The following MBTPS1 variants were observed in gnomAD, a reference collection of about 807,000 sequenced individuals.
MBTPS1 encodes the protein membrane-bound transcription factor site-1 protease.
MBTPS1 carries 94 observed loss-of-function variants against 127.8 expected under a neutral mutation model. The observed-to-expected ratio is 0.74, with a 90% CI of 0.62 to 0.87. The LOEUF is 0.87. MBTPS1 is among the 40% of genes least tolerant of loss of function. The probability of loss-of-function intolerance (pLI) is 0.00; values close to 1 mark genes in which losing one functional copy is unlikely to be tolerated. For missense variants in MBTPS1, 1,636 were observed against 1,353.2 expected, an observed-to-expected ratio of 1.21 and a Z score of -3.28; for synonymous variants, 632 against 509.4, an observed-to-expected ratio of 1.24 and a Z score of -3.24.
intron 7 of MBTPS1, 99 bp downstream of exon 7, chr16:84,091,633 C>G: frequency 3.8e-6 from 3 of 789,344 alleles, no homozygotes; most frequent in Non-Finnish European, 6.7e-6. Flanking sequence ...CTGTCACCAC[C>G]TGGATGAAAA....
At chr16:84,084,314 G>C (rs1010779802) in intron 10 of MBTPS1, among the ~76,000 whole-genome samples, 16 of 152,174 alleles carry the variant, frequency 1.1e-4, no homozygotes, top group African/African-American at 3.1e-4. Flanking sequence ...CAGTCACTAA[G>C]CTCCATTCCA....
chr16:84,083,458 C>CT (rs776867410), intron 10 of MBTPS1, among the ~76,000 whole-genome samples: 151 of 146,998 alleles, frequency 1.0e-3, no homozygotes, highest in East Asian at 2.8e-3. Context: ...ATATCTACCC[C>CT]TTTTTTTTTT....
intron 21 of MBTPS1, chr16:84,058,118 C>G (rs1005738862): frequency 6.6e-6 from 1 of 152,156 alleles, no homozygotes; most frequent in African/African-American, 2.4e-5. Context: ...TGGAAAAGTA[C>G]CCAGTGATTA....
rs559941206 is a variant in MBTPS1 at position 84,064,838 on chromosome 16, TATAAAA to T, written c.2431+846_2431+851del. 3.5e-4 allele frequency among the ~76,000 whole-genome samples: 53 copies of T among 152,324 alleles called. 1 individual carries two copies. In the East Asian group the frequency reaches 8.5e-3, roughly 24 times the overall value. On this transcript the variant is annotated intron_variant, in intron 18 of 22. Coordinates refer to ENST00000343411, the MANE Select transcript of MBTPS1 (RefSeq NM_003791.4). ...AAAGGAAAAAATCCCTTCCAGGTAATATAAAAATAAGTTCTATATTCCAGTTGCAAG... is the reference window on the plus strand; with the variant it reads ...AAAGGAAAAAATCCCTTCCAGGTAATATAAGTTCTATATTCCAGTTGCAAG...
At chr16:84,104,124 G>C (rs1199143360) in intron 1 of MBTPS1, among the ~76,000 whole-genome samples, 1 of 152,118 alleles carries the variant, frequency 6.6e-6, no homozygotes, top group Non-Finnish European at 1.5e-5. Context: ...AAAGACTACT[G>C]GCCGAAGAAG....
At chr16:84,088,806 G>T (rs547634235) in intron 8 of MBTPS1, among the ~76,000 whole-genome samples, 9 of 152,146 alleles carry the variant, frequency 5.9e-5, no homozygotes, top group Non-Finnish European at 1.3e-4. Context: ...CCCACCAGAT[G>T]CCCAAGCAGA....
intron 12 of MBTPS1, among the ~76,000 whole-genome samples, chr16:84,072,333 T>G (rs538708532): frequency 1.4e-4 from 21 of 152,060 alleles, no homozygotes; most frequent in African/African-American, 4.6e-4. Flanking sequence ...GAGTGGCTGA[T>G]AATGGGTATA....
chr16:84,095,522 C>A (rs1351072598), intron 4 of MBTPS1, 80 bp downstream of exon 4: 1 of 1,486,054 alleles, frequency 6.7e-7, no homozygotes, highest in South Asian at 1.2e-5. Context: ...TCCTGCATGT[C>A]TGGACTTTCC....
At chr16:84,084,453 GAGA>G (rs1317464537) in intron 10 of MBTPS1, among the ~76,000 whole-genome samples, 1 of 152,208 alleles carries the variant, frequency 6.6e-6, no homozygotes, top group Non-Finnish European at 1.5e-5. Context: ...GTAACACTGT[GAGA>G]AGATGGATGT....
At chr16:84,113,000 A>G (rs1374881119) in intron 1 of MBTPS1, among the ~76,000 whole-genome samples, 1 of 151,758 alleles carries the variant, frequency 6.6e-6, no homozygotes, top group Non-Finnish European at 1.5e-5. Flanking sequence ...AAAAAGAATA[A>G]ATCATACTTT....
rs1257449563 is a variant in MBTPS1 at position 84,081,654 on chromosome 16, T to G, written c.1448+93A>C. 7 of 1,029,978 alleles carry G rather than the reference T, an allele frequency of 6.8e-6. No homozygotes were observed. The East Asian group carries it at 2.0e-4, about 30-fold the overall frequency. 63.8% of individuals were successfully genotyped at this position (1,029,978 alleles called of 1,614,324 possible). Reference sequence around the variant, plus strand: ...GAGAATTCTGTGCTTAGTCATCATTTTCTGTTTTGAGGCTTGTATTTTGTG... The same window carrying G: ...GAGAATTCTGTGCTTAGTCATCATTGTCTGTTTTGAGGCTTGTATTTTGTG... On this transcript the variant is annotated intron_variant, in intron 11 of 22. Transcript: ENST00000343411.
At chr16:84,076,123 T>C (rs754367039) in intron 11 of MBTPS1, among the ~76,000 whole-genome samples, 10 of 152,168 alleles carry the variant, frequency 6.6e-5, no homozygotes, top group African/African-American at 9.7e-5. Context: ...TGGTTCAATA[T>C]TGGGAAACTC....
chr16:84,068,425 CT>C lies in MBTPS1; in HGVS notation c.1984del (p.Arg662GlyfsTer7). The stretch of plus-strand genomic sequence containing the variant: ...GCTTCTCAGATGCTGGTACATATCC[CT>C]GAAATTGGTGTGGATGTGATCACCA... Reference protein sequence around the residue: ...WNGDHIHTNFRDMYQHLRSMG... With the variant: ...WNGDHIHTNFXDMYQHLRSMG... On this transcript the variant is annotated frameshift_variant, in exon 15 of 23. Coordinates refer to ENST00000343411, the MANE Select transcript of MBTPS1 (RefSeq NM_003791.4). LOFTEE classifies it high-confidence loss of function. 1 of 1,614,120 alleles carries C rather than the reference CT, an allele frequency of 6.2e-7. No individual in the cohort carries two copies. The highest frequency in any genetic ancestry group is 8.5e-7 in the Non-Finnish European group (1 of 1,179,928).
chr16:84,115,282 G>C (rs1227218391), intron 1 of MBTPS1, among the ~76,000 whole-genome samples: 1 of 152,102 alleles, frequency 6.6e-6, no homozygotes, highest in Admixed American at 6.5e-5. Context: ...TTCTTCCCTA[G>C]GTGCTTCAAA....
chr16:84,068,355 A>G lies in MBTPS1; in HGVS notation c.2055T>C (p.Phe685=). The change falls in exon 15 of 23, where the codon TTT becomes TTC. Residue 685 remains phenylalanine (F), a synonymous_variant. Transcript: ENST00000343411. ...VEVLGAPFTC[F]DASQYGTLLM... ...GCCACTTACCATACTGACTGGCATC[A>G]AAACACGTGAAGGGGGCCCCGAGGA... 1 of 1,613,004 alleles carries G rather than the reference A, an allele frequency of 6.2e-7. No individual in the cohort carries two copies.
chr16:84,094,478 A>G (rs2086152590), intron 4 of MBTPS1, among the ~76,000 whole-genome samples: 1 of 152,230 alleles, frequency 6.6e-6, no homozygotes, highest in South Asian at 2.1e-4. Flanking sequence ...AATGTGAAAT[A>G]CAACTGGCCT....
intron 8 of MBTPS1, among the ~76,000 whole-genome samples, chr16:84,089,756 GA>G (rs752545973): frequency 6.6e-6 from 1 of 152,226 alleles, no homozygotes; most frequent in Non-Finnish European, 1.5e-5. Flanking sequence ...CATGCTGGAA[GA>G]GCTGGGGTGG....
In MBTPS1 at chr16:84,066,473, G is replaced by T. The variant is rs1354485735; in HGVS notation, c.2353+16C>A. ...TCTCACACCTAAGACCACGCCCTCA[G>T]GAAACAGAGCCTTACTGTCATGGTT... On this transcript the variant is annotated intron_variant, in intron 17 of 22. Transcript: ENST00000343411. 6.2e-7 allele frequency: 1 copy of T among 1,613,428 alleles called. No individual in the cohort carries two copies. The highest frequency in any genetic ancestry group is 2.2e-5 in the East Asian group (1 of 44,844).
intron 12 of MBTPS1, among the ~76,000 whole-genome samples, chr16:84,073,521 G>C (rs1388828064): frequency 1.3e-5 from 2 of 152,138 alleles, no homozygotes; most frequent in African/African-American, 4.8e-5. Flanking sequence ...AAAAAAATAA[G>C]TATTGCAGAT....
Sources: allele counts gnomAD v4.1 joint callset (sites outside exome capture counted in the v4.1 genomes callset), GRCh38; gene constraint gnomAD v4.1.1; transcripts MANE v1.5; gene names NCBI Gene and HGNC (gene_info 2026-07-23, HGNC 2026-07-21).